The following ASXL1 variants were observed in gnomAD, a reference collection of about 807,000 sequenced individuals.
The protein encoded by ASXL1 is ASXL transcriptional regulator 1.
In ASXL1, 65 loss-of-function variants were observed where a neutral mutation model predicts 89.1. The ratio of observed to expected loss-of-function variants is 0.73; its 90% CI spans 0.60 to 0.90. The LOEUF is 0.90. Ranked by LOEUF, ASXL1 falls within the 40% of genes least tolerant of loss-of-function variation. The probability of loss-of-function intolerance (pLI) is 0.00; values close to 1 mark genes in which losing one functional copy is unlikely to be tolerated. For missense variants in ASXL1, 1,786 were observed against 1,942.9 expected, an observed-to-expected ratio of 0.92 and a Z score of 1.52; for synonymous variants, 739 against 746.9, an observed-to-expected ratio of 0.99 and a Z score of 0.17.
At chr20:32,375,575 C>T (rs185069023) in intron 4 of ASXL1, among the ~76,000 whole-genome samples, 4 of 152,216 alleles carry the variant, frequency 2.6e-5, no homozygotes, top group Admixed American at 1.3e-4. Flanking sequence ...ATTTTTCTCT[C>T]ATTTCAAAAT....
rs1273026836 is a variant in ASXL1 at position 32,434,658 on chromosome 20, G to A, written c.1946G>A (p.Gly649Glu). ...ATCGGAGGGGGGGGTGGCCCGGGTG[G>A]AGGTGGCGGCGGGGCCACCGATGAG... is the stretch of plus-strand genomic sequence containing the variant. The part of the protein sequence containing the change: ...TAIGGGGGPG[G>E]GGGGATDEGG... Residue 649 changes from glycine to glutamate, a missense_variant, in exon 13 of 13, where the codon GGA becomes GAA. Physicochemically the swap from Gly to Glu is moderately conservative, Grantham distance 98. Around this residue, in one of 3 missense-constraint regions of ASXL1, gnomAD observed 1,418 missense variants for 1,427.8 expected, o/e 0.99. Transcript: ENST00000375687. The A allele has an allele frequency of 1.2e-6, 2 of 1,604,596 alleles. No homozygotes were observed. Among genetic ancestry groups the A allele is most frequent in the Non-Finnish European group, 1.7e-6 (2 of 1,175,358 alleles).
At chr20:32,420,794 A>T (rs956796123) in intron 4 of ASXL1, among the ~76,000 whole-genome samples, 9 of 152,114 alleles carry the variant, frequency 5.9e-5, no homozygotes, top group African/African-American at 1.9e-4. Context: ...TTAAAAGACA[A>T]CTCAAAAAAA....
At chr20:32,419,403 T>G (rs1479565332) in intron 4 of ASXL1, among the ~76,000 whole-genome samples, 1 of 151,752 alleles carries the variant, frequency 6.6e-6, no homozygotes, top group Non-Finnish European at 1.5e-5. Context: ...GGGGTCTCCT[T>G]ACGTTGCTCA....
At chr20:32,395,207 A>C (rs1321107923) in intron 4 of ASXL1, among the ~76,000 whole-genome samples, 2 of 151,210 alleles carry the variant, frequency 1.3e-5, no homozygotes, top group East Asian at 3.9e-4. Flanking sequence ...TCTGCTGGTG[A>C]TATCTTTAAG....
Position 32,435,446 on chromosome 20 carries a change from A to C in ASXL1, c.2734A>C (p.Lys912Gln). 6 of 1,614,134 alleles carry C rather than the reference A, an allele frequency of 3.7e-6. No individual in the cohort carries two copies. The highest frequency in any genetic ancestry group is 2.5e-6 in the Non-Finnish European group (3 of 1,180,028). ...GAATGATGAGGTAGTGAAACAGCCC[A>C]AACCAGAATCCAGAGAACACATACC... The part of the protein sequence containing the change: ...PSNDEVVKQP[K>Q]PESREHIPSV... Residue 912 changes from lysine (K) to glutamine (Q), a missense_variant, in exon 13 of 13, where the codon AAA becomes CAA. Lys to Gln is a moderately conservative substitution (Grantham distance 53). This residue lies in a region of ASXL1 where 1,418 missense variants were observed against 1,427.8 expected (regional missense o/e 0.99). Transcript: ENST00000375687.
chr20:32,435,112 TGAG>T lies in ASXL1; in HGVS notation c.2404_2406del (p.Glu802del). On this transcript the variant is annotated inframe_deletion, in exon 13 of 13. Coordinates refer to ENST00000375687, the MANE Select transcript of ASXL1 (RefSeq NM_015338.6). ...GCACCACTTCCTGGGAAAGTGATGA[TGAG>T]GAGCAAGGACCCACCGTTCCTGCAG... is the stretch of plus-strand genomic sequence containing the variant. The T allele has an allele frequency of 6.2e-7, 1 of 1,613,972 alleles. No homozygotes were observed. The highest frequency in any genetic ancestry group is 8.5e-7 in the Non-Finnish European group (1 of 1,180,032).
intron 4 of ASXL1, among the ~76,000 whole-genome samples, chr20:32,378,074 T>C (rs2048418845): frequency 1.4e-5 from 2 of 146,326 alleles, no homozygotes; most frequent in South Asian, 4.4e-4. Flanking sequence ...ACTGCAACCT[T>C]AGCTTCCTGG....
intron 4 of ASXL1, among the ~76,000 whole-genome samples, chr20:32,370,822 C>T (rs974372342): frequency 4.0e-5 from 6 of 151,656 alleles, no homozygotes; most frequent in East Asian, 1.9e-4. Context: ...TTCTTGTAAT[C>T]GAGCCTTGGA....
chr20:32,421,434 C>T (rs989212641), intron 4 of ASXL1, among the ~76,000 whole-genome samples: 2 of 152,042 alleles, frequency 1.3e-5, no homozygotes, highest in Non-Finnish European at 2.9e-5. Context: ...AACTGGAACT[C>T]TCCTCAAGTG....
chr20:32,366,307 C>A, intron 1 of ASXL1, 77 bp from the exon 2 acceptor site: 1 of 1,306,466 alleles, frequency 7.7e-7, no homozygotes, highest in Non-Finnish European at 1.1e-6. Context: ...CATAGCATAA[C>A]TTTAGCCCAT....
chr20:32,434,604 A>T lies in ASXL1; in HGVS notation c.1892A>T (p.His631Leu), dbSNP rs758334915. ...CAGGTCCGAGGGGCGAGAGGTCACC[A>T]CTGCCATAGAGAGGCGGCCACCACT... ...ALQVRGARGHHCHREAATTAI... is the reference protein window; with the variant it reads ...ALQVRGARGHLCHREAATTAI... The change falls in exon 13 of 13, where the codon CAC becomes CTC. Residue 631 changes from histidine (H) to leucine (L), a missense_variant. Physicochemically the swap from His to Leu is moderately conservative, Grantham distance 99 (BLOSUM62 -3). Around this residue, in one of 3 missense-constraint regions of ASXL1, gnomAD observed 1,418 missense variants for 1,427.8 expected, o/e 0.99. Coordinates refer to ENST00000375687, the MANE Select transcript of ASXL1 (RefSeq NM_015338.6). 2 of 1,611,952 alleles carry T rather than the reference A, an allele frequency of 1.2e-6. No homozygotes were observed. Among genetic ancestry groups the T allele is most frequent in the Non-Finnish European group, 1.7e-6 (2 of 1,179,298 alleles).
At chr20:32,420,040 C>CT (rs35002363) in intron 4 of ASXL1, among the ~76,000 whole-genome samples, 14,825 of 144,544 alleles carry the variant, frequency 0.1, 894 homozygotes, top group East Asian at 0.17. Flanking sequence ...TTGATTTTTC[C>CT]TTTTTTTTTT....
At chr20:32,420,994 T>A (rs2049234998) in intron 4 of ASXL1, among the ~76,000 whole-genome samples, 1 of 140,256 alleles carries the variant, frequency 7.1e-6, no homozygotes, top group Non-Finnish European at 1.5e-5. Context: ...CCCCATGTTC[T>A]CACTCATAAA....
intron 4 of ASXL1, among the ~76,000 whole-genome samples, chr20:32,374,220 C>T (rs1179038285): frequency 6.6e-6 from 1 of 152,068 alleles, no homozygotes; most frequent in African/African-American, 2.4e-5. Flanking sequence ...TCTTGAATTC[C>T]TGAGCTCAAG....
rs2123225456 is a variant in ASXL1, at chr20:32,430,034, C to T, written c.699C>T (p.Gly233=). ...VTQDPAPLLR[G]FRKPATGQMK... is the part of the protein sequence containing the mutation. ...AGGACCCTGCCCCGCTCCTGAGAGG[C>T]TTCCGGAAGCCAGCCACAGGTGAGT... Residue 233 remains glycine (G), a synonymous_variant, in exon 8 of 13, where the codon GGC becomes GGT. Coordinates refer to ENST00000375687, the MANE Select transcript of ASXL1 (RefSeq NM_015338.6). The T allele has an allele frequency of 6.2e-7, 1 of 1,605,112 alleles. No homozygotes were observed. Among genetic ancestry groups the T allele is most frequent in the East Asian group, 2.2e-5 (1 of 44,876 alleles).
intron 4 of ASXL1, among the ~76,000 whole-genome samples, chr20:32,401,544 G>GTTT (rs35146454): frequency 0.029 from 1,987 of 69,228 alleles, 39 homozygotes; most frequent in African/African-American, 0.035. Flanking sequence ...GTGTGTGTGT[G>GTTT]TTTTTTCCCC....
At chr20:32,431,111 G>C (rs1234590786) in intron 8 of ASXL1, 14 of 707,748 alleles carry the variant, frequency 2.0e-5, no homozygotes, top group African/African-American at 1.0e-4. Flanking sequence ...TTTGTCTGAG[G>C]AGATGCAACC....
intron 4 of ASXL1, among the ~76,000 whole-genome samples, chr20:32,375,058 G>C (rs1277137690): frequency 6.6e-6 from 1 of 151,994 alleles, no homozygotes; most frequent in Admixed American, 6.6e-5. Flanking sequence ...TGTTGGTCAG[G>C]CTGGTCTCGA....
chr20:32,389,505 T>G (rs1465289394), intron 4 of ASXL1, among the ~76,000 whole-genome samples: 2 of 152,116 alleles, frequency 1.3e-5, no homozygotes, highest in Non-Finnish European at 2.9e-5. Context: ...GAGTGTATAA[T>G]AGTATCTTGT....
Sources: gnomAD v4.1 joint callset for allele counts (sites outside exome capture counted in the v4.1 genomes callset) on GRCh38, gnomAD v4.1.1 for gene constraint, gnomAD v4.1.1 regional missense constraint, MANE v1.5 for transcripts, NCBI Gene and HGNC (gene_info 2026-07-23, HGNC 2026-07-21) for gene names.